ZBTB40: variants seen among roughly 807,000 people sequenced by gnomAD.
ZBTB40 encodes the protein zinc finger and BTB domain-containing protein 40.
Under a neutral mutation model 117.5 loss-of-function variants are expected in ZBTB40, and 60 were observed. The ratio of observed to expected loss-of-function variants is 0.51; its 90% confidence interval spans 0.41 to 0.63. The LOEUF is 0.63. Among genes scored for constraint, ZBTB40 ranks in the 30% least tolerant of loss-of-function variants. The pLI is 0.00. For synonymous variants in ZBTB40, 525 were observed against 577.1 expected (o/e 0.91, Z 1.29); for missense variants, 1,287 against 1,498.5 (o/e 0.86, Z 2.33).
intron 1 of ZBTB40, among the ~76,000 whole-genome samples, chr1:22,467,572 T>C (rs2124398679): frequency 6.6e-6 from 1 of 152,246 alleles, no homozygotes; most frequent in Non-Finnish European, 1.5e-5. Flanking sequence ...CCTCCCTGGT[T>C]CAAGCAATTC....
chr1:22,465,541 C>A (rs1338028203), intron 1 of ZBTB40, among the ~76,000 whole-genome samples: 1 of 152,082 alleles, frequency 6.6e-6, no homozygotes, highest in Non-Finnish European at 1.5e-5. Flanking sequence ...GAAGGAGGGA[C>A]CTTACTGGGA....
rs557789813 is a variant in ZBTB40 at position 22,456,134 on chromosome 1, A to C, written c.-70+4130A>C. Reference sequence around the variant, plus strand: ...ATCATCTGGATAATGTGGAGAAAGCAAGCTACTAACCACATAGAGGAAAGA... The same window carrying C: ...ATCATCTGGATAATGTGGAGAAAGCCAGCTACTAACCACATAGAGGAAAGA... On this transcript the variant is annotated intron_variant, in intron 1 of 17. Transcript: ENST00000375647. 4.6e-5 allele frequency among the ~76,000 whole-genome samples: 7 copies of C among 152,294 alleles called. No homozygotes were observed. In the South Asian group the frequency reaches 1.5e-3, roughly 32 times the overall value.
At chr1:22,519,186 AG>A (rs1264293224) in intron 13 of ZBTB40, among the ~76,000 whole-genome samples, 24 of 152,388 alleles carry the variant, frequency 1.6e-4, no homozygotes, top group African/African-American at 4.1e-4. Context: ...TGCACATAAA[AG>A]ATTGGCTTGT....
rs141539757 is a variant in ZBTB40 at position 22,465,979 on chromosome 1, C to T, written c.-70+13975C>T. On this transcript the variant is annotated intron_variant, in intron 1 of 17. Transcript: ENST00000375647. ...CCATCACCACTTTCCAATTCCAGAA[C>T]GTGTTTTATCACTCTGAAACCCCCC... Among the ~76,000 whole-genome samples the T allele has an allele frequency of 2.5e-3, 386 of 152,334 alleles. 1 individual carries two copies. Among genetic ancestry groups the T allele is most frequent in the Admixed American group, 4.1e-3 (63 of 15,304 alleles).
intron 1 of ZBTB40, among the ~76,000 whole-genome samples, chr1:22,471,179 C>T (rs1641394759): frequency 6.6e-6 from 1 of 152,178 alleles, no homozygotes; most frequent in Non-Finnish European, 1.5e-5. Context: ...CTTGGAAAGT[C>T]TTCTGGCAGC....
intron 1 of ZBTB40, among the ~76,000 whole-genome samples, chr1:22,465,575 C>T (rs1208900285): frequency 6.6e-6 from 1 of 152,204 alleles, no homozygotes; most frequent in Admixed American, 6.5e-5. Context: ...ACCTGGGACT[C>T]TGTCTGCCTG....
chr1:22,520,304 C>T (rs774412789), intron 14 of ZBTB40, 29 bp downstream of exon 14: 2 of 1,573,802 alleles, frequency 1.3e-6, no homozygotes, highest in African/African-American at 2.7e-5. Context: ...GGGAGCTCTT[C>T]CCCTCACCCC....
chr1:22,460,926 C>T (rs993816028), intron 1 of ZBTB40, among the ~76,000 whole-genome samples: 2 of 152,108 alleles, frequency 1.3e-5, no homozygotes, highest in African/African-American at 4.8e-5. Flanking sequence ...CCCATCTTTC[C>T]CCCTTTACTG....
At chr1:22,459,423 A>G (rs1299387597) in intron 1 of ZBTB40, among the ~76,000 whole-genome samples, 1 of 152,212 alleles carries the variant, frequency 6.6e-6, no homozygotes, top group Non-Finnish European at 1.5e-5. Context: ...TCTTTATCCC[A>G]ATGGCCAGTC....
At chr1:22,472,989 T>G (rs1641447438) in intron 1 of ZBTB40, among the ~76,000 whole-genome samples, 1 of 152,192 alleles carries the variant, frequency 6.6e-6, no homozygotes, top group Admixed American at 6.5e-5. Flanking sequence ...CAGAGATACT[T>G]TGGACATTGT....
chr1:22,506,034 T>G lies in ZBTB40; in HGVS notation c.1168-15T>G. On this transcript the variant is annotated splice_polypyrimidine_tract_variant and intron_variant, in intron 5 of 17. Transcript: ENST00000375647. ...TGCCAGTAACTGGTGTCTGGTTGAT[T>G]GCTTGCCACTGCAGGTGATTCTGAA... 1.9e-6 allele frequency: 3 copies of G among 1,614,156 alleles called. No homozygotes were observed. The highest frequency in any genetic ancestry group is 2.5e-6 in the Non-Finnish European group (3 of 1,179,986).
intron 1 of ZBTB40, among the ~76,000 whole-genome samples, chr1:22,488,056 C>T (rs1638523416): frequency 6.6e-6 from 1 of 152,164 alleles, no homozygotes; most frequent in Non-Finnish European, 1.5e-5. Context: ...CTCATCTGTG[C>T]GTCCGTATCT....
upstream of ZBTB40, among the ~76,000 whole-genome samples, chr1:22,448,424 G>A (rs1640813153): frequency 6.6e-6 from 1 of 152,096 alleles, no homozygotes; most frequent in Admixed American, 6.5e-5. Flanking sequence ...CTAAGTGCTA[G>A]GATTTACAGC....
At chr1:22,496,856 A>G (rs1327505348) in intron 3 of ZBTB40, among the ~76,000 whole-genome samples, 1 of 152,236 alleles carries the variant, frequency 6.6e-6, no homozygotes, top group African/African-American at 2.4e-5. Context: ...GTCACAAGGT[A>G]AAGTCCCACG....
intron 1 of ZBTB40, among the ~76,000 whole-genome samples, chr1:22,435,515 T>C (rs1367556410): frequency 6.6e-6 from 1 of 152,164 alleles, no homozygotes; most frequent in African/African-American, 2.4e-5. Flanking sequence ...TTTAGGGCTT[T>C]CTAGTTATAT....
chr1:22,459,104 A>G (rs1291090995), intron 1 of ZBTB40, among the ~76,000 whole-genome samples: 1 of 152,202 alleles, frequency 6.6e-6, no homozygotes, highest in African/African-American at 2.4e-5. Context: ...GATAAAGGAT[A>G]TATCATGTCT....
chr1:22,432,488 A>G (rs1640605416), intron 1 of ZBTB40, among the ~76,000 whole-genome samples: 1 of 152,232 alleles, frequency 6.6e-6, no homozygotes, highest in African/African-American at 2.4e-5. Context: ...ATTTAAATAC[A>G]AGTTAACATG....
At position 22,513,992 on chromosome 1, in the gene ZBTB40, CGA is replaced by C. The variant is rs1557519850; in HGVS notation, c.2668+864_2668+865del. On this transcript the variant is annotated intron_variant, in intron 12 of 17. Transcript: ENST00000375647. This position sits in a 1 kb window ranked among gnomAD's most constrained non-coding sequence, Gnocchi z 4.9. ...CCGTGGATCAGACAGTGGCAGATGC[CGA>C]GTGGCTGAGCTGGGATTCCTGTGTG... Among the ~76,000 whole-genome samples, 1 of 152,194 alleles carries C rather than the reference CGA, an allele frequency of 6.6e-6. No individual in the cohort carries two copies. The highest frequency in any genetic ancestry group is 1.9e-4 in the East Asian group (1 of 5,184).
In ZBTB40 at chr1:22,502,525, C is replaced by T. The variant is rs967947264; in HGVS notation, c.1167+84C>T. 19 of 1,569,318 alleles carry T rather than the reference C, an allele frequency of 1.2e-5. No individual in the cohort carries two copies. In the South Asian group the frequency reaches 2.1e-4, roughly 18 times the overall value. On this transcript the variant is annotated intron_variant, in intron 5 of 17. Transcript: ENST00000375647. ...CTTTTGTGGCACATAGCACTTTATA[C>T]TTTGCAGTATTTTAATACATACTGC...
Sources: allele counts gnomAD v4.1 joint callset (sites outside exome capture counted in the v4.1 genomes callset), GRCh38; gene constraint gnomAD v4.1.1; non-coding constraint Gnocchi (gnomAD v3.1); transcripts MANE v1.5; gene names NCBI Gene and HGNC (gene_info 2026-07-23, HGNC 2026-07-21).